The following CFAP61 variants were observed in gnomAD, a reference collection of about 807,000 sequenced individuals.
CFAP61 encodes cilia and flagella associated protein 61, also known as cilia- and flagella-associated protein 61.
Under a neutral mutation model 135.6 loss-of-function variants are expected in CFAP61, and 107 were observed. That is an observed-to-expected ratio of 0.79 (90% CI 0.67 to 0.93). The LOEUF is 0.93. Among genes scored for constraint, CFAP61 ranks in the 40% least tolerant of loss-of-function variants. The pLI is 0.00. For synonymous variants in CFAP61, 575 were observed against 578.5 expected, an observed-to-expected ratio of 0.99 and a Z score of 0.09; for missense variants, 1,507 against 1,556.2, an observed-to-expected ratio of 0.97 and a Z score of 0.53.
At chr20:20,169,769 G>A (rs1037569415) in intron 13 of CFAP61, among the ~76,000 whole-genome samples, 2 of 25,620 alleles carry the variant, frequency 7.8e-5, no homozygotes, top group African/African-American at 1.6e-4. Context: ...CTCAGATTGT[G>A]CAGATCTTTG....
At chr20:20,067,255 T>C (rs1020153048) in intron 2 of CFAP61, among the ~76,000 whole-genome samples, 1 of 152,034 alleles carries the variant, frequency 6.6e-6, no homozygotes, top group African/African-American at 2.4e-5. Flanking sequence ...ATTTGGCTTA[T>C]TACAAAGAAC....
At chr20:20,219,196 C>G (rs558274634) in intron 17 of CFAP61, among the ~76,000 whole-genome samples, 1 of 152,328 alleles carries the variant, frequency 6.6e-6, no homozygotes, top group Non-Finnish European at 1.5e-5. Context: ...CTGTCTAGCT[C>G]ATCAGAGCTC....
intron 26 of CFAP61, among the ~76,000 whole-genome samples, chr20:20,344,047 C>T (rs574729999): frequency 3.9e-5 from 6 of 152,154 alleles, no homozygotes; most frequent in South Asian, 4.2e-4. Flanking sequence ...ATGAAACCTC[C>T]GGAAGAAAAA....
chr20:20,328,220 G>A (rs920955650), intron 25 of CFAP61, among the ~76,000 whole-genome samples: 20 of 152,152 alleles, frequency 1.3e-4, no homozygotes, highest in South Asian at 6.2e-4. Flanking sequence ...ATGAAGGGTA[G>A]CAACATGCCA....
chr20:20,247,430 G>C (rs956760514), intron 19 of CFAP61, among the ~76,000 whole-genome samples: 3 of 152,224 alleles, frequency 2.0e-5, no homozygotes, highest in South Asian at 4.1e-4. Context: ...TGCTGTCCCT[G>C]CCTCCACAGT....
intron 21 of CFAP61, among the ~76,000 whole-genome samples, chr20:20,266,900 A>T (rs2052788465): frequency 1.3e-5 from 2 of 152,208 alleles, no homozygotes; most frequent in Admixed American, 1.3e-4. Flanking sequence ...TGCCATACTC[A>T]GGACAGTCTC....
At chr20:20,171,194 T>G (rs559570910) in intron 13 of CFAP61, among the ~76,000 whole-genome samples, 1 of 152,312 alleles carries the variant, frequency 6.6e-6, no homozygotes, top group South Asian at 2.1e-4. Flanking sequence ...CAGGTAGCAG[T>G]CAGCACTAAT....
In CFAP61 at chr20:20,066,540, C is replaced by T. The variant is rs147953157; in HGVS notation, c.144-4314C>T. ...ATGTCCTTTGCAGGGACATGGATGA[C>T]GCTGGAAACCATCATTCTCAGCAAA... On this transcript the variant is annotated intron_variant, in intron 2 of 26. Transcript: ENST00000245957. 9.1e-4 allele frequency among the ~76,000 whole-genome samples: 139 copies of T among 152,156 alleles called. 1 individual carries two copies. In the East Asian group the frequency reaches 0.023, roughly 25 times the overall value.
rs765242746 is a variant in CFAP61, at chr20:20,277,358, G to A, written c.2696G>A (p.Arg899Gln). 5 of 1,614,136 alleles carry A rather than the reference G, an allele frequency of 3.1e-6. No individual in the cohort carries two copies. The South Asian group carries it at 4.4e-5, about 14-fold the overall frequency. ...ALGAAGVTMYRDAILAQWNDG... is the reference protein window; with the variant it reads ...ALGAAGVTMYQDAILAQWNDG... ...GGAGCCGCCGGAGTCACTATGTACC[G>A]GGATGCGATCCTGGCCCAGTGGAAT... is the stretch of plus-strand genomic sequence containing the variant. The change falls in exon 22 of 27, where the codon CGG (arginine) becomes CAG (glutamine). Residue 899 changes from arginine (R) to glutamine (Q), a missense_variant. By Grantham distance (43) the Arg-to-Gln change is conservative. Coordinates refer to ENST00000245957, the MANE Select transcript of CFAP61 (RefSeq NM_015585.4).
At chr20:20,142,359 A>G (rs1011594017) in intron 8 of CFAP61, among the ~76,000 whole-genome samples, 5 of 152,254 alleles carry the variant, frequency 3.3e-5, no homozygotes, top group Non-Finnish European at 2.9e-5. Context: ...AAGAGAAAGC[A>G]GCCCTTGTGC....
At chr20:20,112,806 T>G (rs1033694549) in intron 8 of CFAP61, among the ~76,000 whole-genome samples, 1 of 152,238 alleles carries the variant, frequency 6.6e-6, no homozygotes, top group African/African-American at 2.4e-5. Context: ...CCACTCAGTA[T>G]TGCCTTGTCT....
chr20:20,061,901 C>T (rs546524675), intron 2 of CFAP61, among the ~76,000 whole-genome samples: 2 of 152,338 alleles, frequency 1.3e-5, no homozygotes, highest in East Asian at 1.9e-4. Flanking sequence ...TGGGTACTCA[C>T]TCCCAGCTAG....
intron 19 of CFAP61, among the ~76,000 whole-genome samples, chr20:20,247,118 T>G (rs2050513099): frequency 6.6e-6 from 1 of 152,242 alleles, no homozygotes. Context: ...TTGCTTTTTT[T>G]GATCACGAGC....
chr20:20,181,654 T>G (rs990542705), intron 13 of CFAP61, among the ~76,000 whole-genome samples: 3 of 152,112 alleles, frequency 2.0e-5, no homozygotes, highest in African/African-American at 7.2e-5. Flanking sequence ...GGTAAAGCCT[T>G]GGGAAGCCCT....
At chr20:20,180,939 G>A (rs2055019326) in intron 13 of CFAP61, among the ~76,000 whole-genome samples, 1 of 151,908 alleles carries the variant, frequency 6.6e-6, no homozygotes, top group African/African-American at 2.4e-5. Context: ...CTCACTTATA[G>A]GTGGGAGCTA....
chr20:20,109,991 C>A (rs1229539478), intron 8 of CFAP61, among the ~76,000 whole-genome samples: 2 of 151,834 alleles, frequency 1.3e-5, no homozygotes, highest in African/African-American at 4.8e-5. Flanking sequence ...ACTGCAACCT[C>A]CGCCTCCCAG....
At chr20:20,199,340 C>T (rs2056479710) in intron 16 of CFAP61, among the ~76,000 whole-genome samples, 1 of 151,984 alleles carries the variant, frequency 6.6e-6, no homozygotes, top group Non-Finnish European at 1.5e-5. Context: ...GCTAAGTTAC[C>T]CCTTGGATGA....
At chr20:20,141,008 C>T (rs59212924) in intron 8 of CFAP61, among the ~76,000 whole-genome samples, 87 of 151,808 alleles carry the variant, frequency 5.7e-4, no homozygotes, top group South Asian at 2.1e-3. Context: ...CTGCAACCTC[C>T]GCCTCCCAGG....
In CFAP61 at chr20:20,298,325, G is replaced by A. The variant is rs780648239; in HGVS notation, c.3361G>A (p.Glu1121Lys). 7.4e-6 allele frequency: 12 copies of A among 1,614,102 alleles called. No individual in the cohort carries two copies. In the East Asian group the frequency reaches 1.1e-4, roughly 15 times the overall value. ...CTACATCCGCTTGTTTGGCCAGCAC[G>A]AGCAACTCCTCAACAACCTGTGTGC... ...SNYIRLFGQH[E>K]QLLNNLCARY... The change falls in exon 25 of 27, where the codon GAG becomes AAG. Residue 1121 changes from glutamate (E) to lysine (K), a missense_variant. Coordinates refer to ENST00000245957, the MANE Select transcript of CFAP61 (RefSeq NM_015585.4).
Sources: gnomAD v4.1 joint callset for allele counts (sites outside exome capture counted in the v4.1 genomes callset) on GRCh38, gnomAD v4.1.1 for gene constraint, MANE v1.5 for transcripts, NCBI Gene and HGNC (gene_info 2026-07-23, HGNC 2026-07-21) for gene names.